The following MTR variants were observed in gnomAD, a reference collection of about 807,000 sequenced individuals.
MTR encodes the protein methionine synthase.
A neutral mutation model predicts 154.8 loss-of-function variants in MTR; 84 were observed. That is an observed-to-expected ratio of 0.54 (90% CI 0.45 to 0.65). The LOEUF (loss-of-function observed/expected upper bound fraction) is 0.65, where lower values mean the gene tolerates loss of function less well. MTR is among the 30% of genes least tolerant of loss of function. The pLI is 0.00. For missense variants in MTR, 1,275 were observed against 1,570.2 expected (o/e 0.81, Z 3.18); for synonymous variants, 554 against 553.9 (o/e 1.00, Z 0.00).
chr1:236,887,499 T>A (rs1666080623), intron 27 of MTR, among the ~76,000 whole-genome samples: 1 of 152,254 alleles, frequency 6.6e-6, no homozygotes, highest in African/African-American at 2.4e-5. Context: ...CAAGCTCCGA[T>A]TATTTGCTCT....
At chr1:236,826,998 A>G in intron 11 of MTR, 102 bp downstream of exon 11, 2 of 1,096,284 alleles carry the variant, frequency 1.8e-6, no homozygotes, top group African/African-American at 1.6e-5. Flanking sequence ...TCCTTCCAAA[A>G]TTTGTATGTT....
chr1:236,803,503 T>C lies in MTR; in HGVS notation c.110T>C (p.Met37Thr), dbSNP rs371079306. Residue 37 changes from methionine (M) to threonine (T), a missense_variant, in exon 2 of 33, where the codon ATG becomes ACG. By Grantham distance (81) the Met-to-Thr change is moderately conservative (BLOSUM62 -1). Transcript: ENST00000366577. Reference sequence around the variant, plus strand: ...AGGATTATGGTGCTGGATGGAGGGATGGGGACCATGATCCAGCGGGAGAAG... The same window carrying C: ...AGGATTATGGTGCTGGATGGAGGGACGGGGACCATGATCCAGCGGGAGAAG... ...QKRIMVLDGG[M>T]GTMIQREKLN... 2.5e-5 allele frequency: 40 copies of C among 1,614,044 alleles called. No homozygotes were observed. Among genetic ancestry groups the C allele is most frequent in the Non-Finnish European group, 3.1e-5 (37 of 1,180,018 alleles).
chr1:236,826,450 C>T (rs1662292113), intron 10 of MTR, among the ~76,000 whole-genome samples: 1 of 152,070 alleles, frequency 6.6e-6, no homozygotes, highest in Admixed American at 6.6e-5. Flanking sequence ...CACATGCCAC[C>T]ATGCCCAGCT....
At chr1:236,894,218 C>G in intron 29 of MTR, 139 bp from the exon 30 acceptor site, 1 of 754,016 alleles carries the variant, frequency 1.3e-6, no homozygotes, top group Non-Finnish European at 2.3e-6. Flanking sequence ...GGGGATGTAA[C>G]AGTGCACAAT....
intron 10 of MTR, 61 bp downstream of exon 10, chr1:236,825,460 A>C: frequency 6.9e-7 from 1 of 1,454,072 alleles, no homozygotes; most frequent in Non-Finnish European, 9.7e-7. Flanking sequence ...TTTTAGATTT[A>C]GAGTATTTAG....
Position 236,885,760 on chromosome 1 carries a change from G to A in MTR, c.2776-532G>A, listed in dbSNP as rs182571530. Among the ~76,000 whole-genome samples the A allele has an allele frequency of 3.1e-4, 47 of 152,306 alleles. No homozygotes were observed. The East Asian group carries it at 8.5e-3, about 27-fold the overall frequency. On this transcript the variant is annotated intron_variant, in intron 26 of 32. Coordinates refer to ENST00000366577, the MANE Select transcript of MTR (RefSeq NM_000254.3). ...GGAAGTCACTGAAATATTTCTTTCCGGTTATCTGCCTTCTGGGCTTTGGTG... is the reference window on the plus strand; with the variant it reads ...GGAAGTCACTGAAATATTTCTTTCCAGTTATCTGCCTTCTGGGCTTTGGTG...
At chr1:236,819,950 T>G (rs1280658940) in intron 8 of MTR, 5 of 1,137,198 alleles carry the variant, frequency 4.4e-6, no homozygotes, top group Non-Finnish European at 6.6e-6. Flanking sequence ...GCTTCACTTC[T>G]GGAACCTTCA....
intron 15 of MTR, among the ~76,000 whole-genome samples, chr1:236,841,945 C>T (rs921843486): frequency 2.0e-5 from 3 of 148,806 alleles, no homozygotes; most frequent in Non-Finnish European, 4.4e-5. Flanking sequence ...GGCTGGAGTG[C>T]GGTGGCGCGA....
rs762089950 is a variant in MTR, at chr1:236,829,222, T to C, written c.1029T>C (p.Pro343=). 1.2e-6 allele frequency: 2 copies of C among 1,613,970 alleles called. No individual in the cohort carries two copies. The highest frequency in any genetic ancestry group is 1.3e-5 in the African/African-American group (1 of 74,924). Residue 343 remains proline, a synonymous_variant, in exon 12 of 33, where the codon CCT becomes CCC. Coordinates refer to ENST00000366577, the MANE Select transcript of MTR (RefSeq NM_000254.3). ...CTGAAGCTGTGAAAAATTGTAAGCCTAGAGTTCCACCTGCCACTGCTTTTG... is the reference window on the plus strand; with the variant it reads ...CTGAAGCTGTGAAAAATTGTAAGCCCAGAGTTCCACCTGCCACTGCTTTTG... ...EIAEAVKNCK[P]RVPPATAFEG...
chr1:236,886,729 C>T (rs751858221), intron 27 of MTR, among the ~76,000 whole-genome samples: 1 of 152,198 alleles, frequency 6.6e-6, no homozygotes, highest in African/African-American at 2.4e-5. Context: ...ATGCTCTTTC[C>T]TCTGTGCTGT....
intron 22 of MTR, among the ~76,000 whole-genome samples, chr1:236,865,047 T>A (rs1664749942): frequency 6.6e-6 from 1 of 152,202 alleles, no homozygotes; most frequent in Non-Finnish European, 1.5e-5. Flanking sequence ...AGTATTATAC[T>A]AGCAATGTTT....
intron 2 of MTR, among the ~76,000 whole-genome samples, chr1:236,804,806 A>G (rs1330113024): frequency 2.6e-5 from 4 of 152,114 alleles, no homozygotes; most frequent in South Asian, 2.1e-4. Flanking sequence ...GCATTTTCAT[A>G]TATGTGTATG....
intron 14 of MTR, among the ~76,000 whole-genome samples, chr1:236,837,012 TC>T (rs1283520975): frequency 6.6e-6 from 1 of 152,230 alleles, no homozygotes; most frequent in East Asian, 1.9e-4. Context: ...TTATTAGTGT[TC>T]TGATTGCTAC....
intron 24 of MTR, 125 bp downstream of exon 24, chr1:236,874,971 T>C (rs917244869): frequency 1.8e-6 from 2 of 1,102,558 alleles, no homozygotes; most frequent in Non-Finnish European, 1.3e-6. Context: ...TTTTGTTATA[T>C]AAACACAAAC....
At chr1:236,849,491 C>T (rs1663776052) in intron 15 of MTR, among the ~76,000 whole-genome samples, 1 of 152,122 alleles carries the variant, frequency 6.6e-6, no homozygotes, top group Non-Finnish European at 1.5e-5. Flanking sequence ...GGGCAGAAGC[C>T]TTAGTTCTGT....
rs1387747285 is a variant in MTR, at chr1:236,808,772, A to C, written c.408A>C (p.Thr136=). ...CTGCCGAGGAGGTAACTCTCCAGAC[A>C]GGTAGGGAATGTTCTTCTCTTTTTT... ...RKAAEEVTLQ[T]GIKRFVAGAL... is the part of the protein sequence containing the mutation. The change falls in exon 4 of 33, where the codon ACA becomes ACC. Residue 136 remains threonine, a splice_region_variant and synonymous_variant. Coordinates refer to ENST00000366577, the MANE Select transcript of MTR (RefSeq NM_000254.3). 6.2e-7 allele frequency: 1 copy of C among 1,613,948 alleles called. No homozygotes were observed. The highest frequency in any genetic ancestry group is 8.5e-7 in the Non-Finnish European group (1 of 1,179,920).
At chr1:236,887,892 T>C (rs965887665) in intron 27 of MTR, among the ~76,000 whole-genome samples, 6 of 152,266 alleles carry the variant, frequency 3.9e-5, no homozygotes, top group African/African-American at 1.2e-4. Flanking sequence ...ATGTTCTCTC[T>C]GCCTTCCCAG....
At chr1:236,815,081 A>G (rs758810264) in intron 6 of MTR, among the ~76,000 whole-genome samples, 18 of 152,222 alleles carry the variant, frequency 1.2e-4, no homozygotes, top group Non-Finnish European at 2.2e-4. Context: ...ACCTAATCTA[A>G]GCTCATGCTG....
intron 15 of MTR, among the ~76,000 whole-genome samples, chr1:236,847,253 A>G (rs564136312): frequency 9.9e-5 from 15 of 152,264 alleles, no homozygotes; most frequent in African/African-American, 3.6e-4. Context: ...TCTCTCGCCC[A>G]TCTTCAACTA....
Sources: gnomAD v4.1 joint callset for allele counts (sites outside exome capture counted in the v4.1 genomes callset) on GRCh38, gnomAD v4.1.1 for gene constraint, MANE v1.5 for transcripts, NCBI Gene and HGNC (gene_info 2026-07-23, HGNC 2026-07-21) for gene names.